The following TTC17 variants were observed in gnomAD, a reference collection of about 807,000 sequenced individuals.
TTC17 encodes tetratricopeptide repeat protein 17.
TTC17 carries 58 observed loss-of-function variants against 143.8 expected under a neutral mutation model. The observed-to-expected ratio is 0.40, with a 90% CI of 0.33 to 0.50. The LOEUF is 0.50. Among genes scored for constraint, TTC17 ranks in the 20% least tolerant of loss-of-function variants. The probability of loss-of-function intolerance (pLI) is 0.49; values close to 1 mark genes in which losing one functional copy is unlikely to be tolerated. For synonymous variants in TTC17, 501 were observed against 497.8 expected (o/e 1.01, Z -0.09); for missense variants, 1,273 against 1,392.5 (o/e 0.91, Z 1.37).
intron 5 of TTC17, chr11:43,395,294 G>A (rs994734929): frequency 1.3e-5 from 2 of 151,978 alleles, no homozygotes; most frequent in Non-Finnish European, 2.9e-5. Context: ...TGGTGATGGG[G>A]TTTCACCATG....
intron 5 of TTC17, among the ~76,000 whole-genome samples, chr11:43,393,110 T>A (rs1857450140): frequency 6.6e-6 from 1 of 152,200 alleles, no homozygotes; most frequent in Admixed American, 6.5e-5. Context: ...CTCACACGAC[T>A]AATTCGGTAG....
Position 43,448,014 on chromosome 11 carries a change from A to T in TTC17, c.2678A>T (p.Asp893Val), listed in dbSNP as rs1474867177. 1 of 1,613,566 alleles carries T rather than the reference A, an allele frequency of 6.2e-7. No individual in the cohort carries two copies. Among genetic ancestry groups the T allele is most frequent in the Non-Finnish European group, 8.5e-7 (1 of 1,179,804 alleles). The change falls in exon 19 of 24, where the codon GAC (aspartate) becomes GTC (valine). Residue 893 changes from aspartate to valine, a missense_variant. Asp to Val is a radical substitution (Grantham distance 152, BLOSUM62 -3). This residue lies in a region of TTC17 where 878 missense variants were observed against 899.8 expected (regional missense o/e 0.98). Coordinates refer to ENST00000039989, the MANE Select transcript of TTC17 (RefSeq NM_018259.6). ...ASPGPQGKKR[D>V]YQRLGWPSPD... is the part of the protein sequence containing the mutation. ...ACTTTCCTTCCAGGAAAAAAACGTG[A>T]CTACCAGCGTCTGGGATGGCCCAGC...
intron 18 of TTC17, among the ~76,000 whole-genome samples, chr11:43,445,643 G>A (rs1161722714): frequency 1.3e-5 from 2 of 152,232 alleles, no homozygotes; most frequent in African/African-American, 2.4e-5. Flanking sequence ...GGCATTGAAT[G>A]TACTTGCAAA....
intron 16 of TTC17, among the ~76,000 whole-genome samples, chr11:43,420,789 ATG>A (rs958716711): frequency 7.9e-5 from 12 of 152,280 alleles, no homozygotes; most frequent in African/African-American, 2.4e-4. Context: ...GCCAAAAAAA[ATG>A]TTTTATTTTA....
chr11:43,489,590 TAGAC>T (rs931566003), intron 21 of TTC17, among the ~76,000 whole-genome samples: 2 of 151,808 alleles, frequency 1.3e-5, no homozygotes, highest in Non-Finnish European at 2.9e-5. Context: ...ATACAAAAAT[TAGAC>T]AGGCGTGGTG....
In TTC17 at chr11:43,362,170, TG is replaced by T. The variant is rs1399068032; in HGVS notation, c.159+3058del. On this transcript the variant is annotated intron_variant, in intron 1 of 23. Coordinates refer to ENST00000039989, the MANE Select transcript of TTC17 (RefSeq NM_018259.6). ...TAATTTGTGTGTGTGTGTGTGTGTG[TG>T]TGTGTGTGTGTGTGTGTGTGTGTAT... 1.4e-3 allele frequency among the ~76,000 whole-genome samples: 218 copies of T among 150,874 alleles called. 5 individuals are homozygous for T. The East Asian group carries it at 0.038, about 26-fold the overall frequency.
At chr11:43,409,078 C>G (rs943267353) in intron 15 of TTC17, among the ~76,000 whole-genome samples, 8 of 152,112 alleles carry the variant, frequency 5.3e-5, no homozygotes, top group African/African-American at 1.9e-4. Context: ...CTCTTCCCAA[C>G]TTTTGGAAAT....
intron 21 of TTC17, among the ~76,000 whole-genome samples, chr11:43,472,713 C>T (rs1382975312): frequency 6.6e-6 from 1 of 152,042 alleles, no homozygotes; most frequent in African/African-American, 2.4e-5. Flanking sequence ...ACAAACTACT[C>T]ATTTTTAAAA....
intron 9 of TTC17, 29 bp from the exon 10 acceptor site, chr11:43,401,417 C>A: frequency 6.7e-7 from 1 of 1,500,566 alleles, no homozygotes; most frequent in Non-Finnish European, 9.2e-7. Flanking sequence ...CCTTGCTCAT[C>A]ATTTGTGTAA....
chr11:43,379,402 G>A (rs1856878934), intron 2 of TTC17, 80 bp downstream of exon 2: 3 of 1,321,168 alleles, frequency 2.3e-6, no homozygotes, highest in Non-Finnish European at 2.1e-6. Context: ...AAAAGCTAAA[G>A]CATATTATTT....
chr11:43,468,754 G>A (rs559702211), intron 21 of TTC17, among the ~76,000 whole-genome samples: 4 of 152,170 alleles, frequency 2.6e-5, no homozygotes, highest in African/African-American at 7.2e-5. Context: ...GGGCAACATA[G>A]CAAGACCCCA....
intron 10 of TTC17, 79 bp downstream of exon 10, chr11:43,401,637 A>T (rs764816332): frequency 5.9e-5 from 57 of 971,706 alleles, no homozygotes; most frequent in Non-Finnish European, 7.5e-5. Context: ...TTTCCTCTTG[A>T]TTCTTTGTAT....
In TTC17 at chr11:43,434,018, T is replaced by G. The variant is rs137964280; in HGVS notation, c.2252-9307T>G. Among the ~76,000 whole-genome samples, 135 of 152,270 alleles carry G rather than the reference T, an allele frequency of 8.9e-4. 3 individuals carry two copies. In the East Asian group the frequency reaches 0.023, roughly 26 times the overall value. The stretch of plus-strand genomic sequence containing the variant: ...CTGTTTTATTTTAATGCTCTTATGT[T>G]TAGCTCCCCTGACTTAACTACACAT... On this transcript the variant is annotated intron_variant, in intron 16 of 23. Transcript: ENST00000039989.
At position 43,422,803 on chromosome 11, in the gene TTC17, A is replaced by AAGTTTTCCT. The variant is rs555969558; in HGVS notation, c.2251+8030_2251+8031insTTTCCTAGT. On this transcript the variant is annotated intron_variant, in intron 16 of 23. Transcript: ENST00000039989. ...AAATCGGTTTTGAAAGGAGGTGAGG[A>AAGTTTTCCT]AGTGAGGATGGCAAGCAACTCTTAA... Among the ~76,000 whole-genome samples, 4 of 152,256 alleles carry AAGTTTTCCT rather than the reference A, an allele frequency of 2.6e-5. No homozygotes were observed. The East Asian group carries it at 7.7e-4, about 29-fold the overall frequency.
intron 1 of TTC17, among the ~76,000 whole-genome samples, chr11:43,361,705 G>A (rs1856111982): frequency 1.3e-5 from 2 of 152,188 alleles, no homozygotes; most frequent in South Asian, 4.1e-4. Flanking sequence ...TGTATACTTT[G>A]TCCTGACATA....
intron 16 of TTC17, among the ~76,000 whole-genome samples, chr11:43,417,340 G>A (rs964441385): frequency 6.6e-6 from 1 of 152,016 alleles, no homozygotes; most frequent in Non-Finnish European, 1.5e-5. Context: ...TTTACCTTTA[G>A]TGAAATCAGA....
chr11:43,378,530 A>G lies in TTC17; in HGVS notation c.160-703A>G, dbSNP rs1299273314. ...TACAAATGTTGTAATGAGCATCCTT[A>G]TGTATATCCTTGCCTACTTATTGAA... On this transcript the variant is annotated intron_variant, in intron 1 of 23. Transcript: ENST00000039989. Among the ~76,000 whole-genome samples, 3 of 152,166 alleles carry G rather than the reference A, an allele frequency of 2.0e-5. 1 individual carries two copies. The highest frequency in any genetic ancestry group is 2.9e-5 in the Non-Finnish European group (2 of 68,016).
chr11:43,410,143 A>G (rs935342075), intron 15 of TTC17, among the ~76,000 whole-genome samples: 4 of 152,142 alleles, frequency 2.6e-5, no homozygotes, highest in African/African-American at 9.7e-5. Flanking sequence ...GTGAGCCCTT[A>G]TGCCCAACCT....
At chr11:43,361,612 A>G (rs1320274748) in intron 1 of TTC17, among the ~76,000 whole-genome samples, 4 of 152,262 alleles carry the variant, frequency 2.6e-5, no homozygotes, top group African/African-American at 9.6e-5. Context: ...CACTCAGTAC[A>G]GTTGCTACCA....
Sources: gnomAD v4.1 joint callset for allele counts (sites outside exome capture counted in the v4.1 genomes callset) on GRCh38, gnomAD v4.1.1 for gene constraint, gnomAD v4.1.1 regional missense constraint, MANE v1.5 for transcripts, NCBI Gene and HGNC (gene_info 2026-07-23, HGNC 2026-07-21) for gene names.